The following GRID2 variants were observed in gnomAD, a reference collection of about 807,000 sequenced individuals.
GRID2 encodes the protein glutamate ionotropic receptor delta type subunit 2, also known as glutamate receptor ionotropic, delta-2.
A neutral mutation model predicts 114.8 loss-of-function variants in GRID2; 33 were observed. The ratio of observed to expected loss-of-function variants is 0.29; its 90% CI spans 0.22 to 0.38. The LOEUF (loss-of-function observed/expected upper bound fraction) is 0.38, where lower values mean the gene tolerates loss of function less well. GRID2 is among the 10% of genes least tolerant of loss of function. The pLI, the probability that GRID2 is intolerant of heterozygous loss-of-function variation, is 1.00. For missense variants in GRID2, 1,184 were observed against 1,257.7 expected (o/e 0.94, Z 0.89); for synonymous variants, 505 against 449.9 (o/e 1.12, Z -1.55).
intron 1 of GRID2, among the ~76,000 whole-genome samples, chr4:92,556,480 A>C (rs1195696511): frequency 1.3e-5 from 2 of 152,064 alleles, no homozygotes; most frequent in African/African-American, 4.8e-5. Context: ...ATTATTTTGC[A>C]GTGTATTAGT....
intron 11 of GRID2, among the ~76,000 whole-genome samples, chr4:93,467,478 CT>C (rs1397653931): frequency 6.6e-6 from 1 of 152,140 alleles, no homozygotes; most frequent in African/African-American, 2.4e-5. Context: ...ACATAATTAT[CT>C]ACAAAGCTAT....
chr4:93,248,366 T>C (rs1207642171), intron 8 of GRID2, among the ~76,000 whole-genome samples: 1 of 152,188 alleles, frequency 6.6e-6, no homozygotes, highest in East Asian at 1.9e-4. Flanking sequence ...TTCACAGAAA[T>C]TGCACAAGTG....
chr4:92,945,401 G>A (rs1751548722), intron 2 of GRID2, among the ~76,000 whole-genome samples: 1 of 151,956 alleles, frequency 6.6e-6, no homozygotes, highest in Non-Finnish European at 1.5e-5. Context: ...TTCCCAATGG[G>A]AGAAACTTAG....
intron 2 of GRID2, among the ~76,000 whole-genome samples, chr4:92,732,881 A>G (rs1377619824): frequency 1.3e-5 from 2 of 151,998 alleles, no homozygotes; most frequent in East Asian, 3.9e-4. Context: ...GTCGTTGTAC[A>G]TTTTTCTCCC....
intron 8 of GRID2, among the ~76,000 whole-genome samples, chr4:93,379,465 C>G (rs946232016): frequency 2.6e-5 from 4 of 151,894 alleles, no homozygotes; most frequent in African/African-American, 9.7e-5. Context: ...CAAACGTAGA[C>G]TGGAGCAAAA....
At chr4:93,560,977 G>A (rs901756455) in intron 13 of GRID2, among the ~76,000 whole-genome samples, 4 of 150,660 alleles carry the variant, frequency 2.7e-5, no homozygotes, top group Non-Finnish European at 5.9e-5. Context: ...TATTTCTCTT[G>A]AGTGAGCTTC....
chr4:93,047,548 C>G (rs1281239657), intron 2 of GRID2, among the ~76,000 whole-genome samples: 1 of 151,800 alleles, frequency 6.6e-6, no homozygotes, highest in Admixed American at 6.6e-5. Context: ...TGTATTCTTA[C>G]AAGAAACTGG....
chr4:92,600,048 A>ATATG (rs1729145824), intron 2 of GRID2, among the ~76,000 whole-genome samples: 1 of 47,062 alleles, frequency 2.1e-5, no homozygotes, highest in Admixed American at 2.4e-4. Flanking sequence ...GTGTGTGTAT[A>ATATG]TATATATATA....
intron 4 of GRID2, among the ~76,000 whole-genome samples, chr4:93,136,574 A>G (rs1437015454): frequency 1.3e-5 from 2 of 152,186 alleles, no homozygotes; most frequent in African/African-American, 4.8e-5. Flanking sequence ...TATAGTGTAA[A>G]TACTGACCAG....
intron 14 of GRID2, among the ~76,000 whole-genome samples, chr4:93,729,959 T>C (rs1187438122): frequency 6.6e-6 from 1 of 152,162 alleles, no homozygotes; most frequent in Non-Finnish European, 1.5e-5. Flanking sequence ...TTTTCATCCC[T>C]GTGTCTCTAG....
chr4:93,289,854 C>T (rs1448599640), intron 8 of GRID2, among the ~76,000 whole-genome samples: 3 of 151,778 alleles, frequency 2.0e-5, no homozygotes, highest in Non-Finnish European at 4.4e-5. Context: ...AAAGGTCTTA[C>T]AAAATGTTCG....
At chr4:92,335,194 C>CTACA (rs1727100801) in intron 1 of GRID2, among the ~76,000 whole-genome samples, 1 of 152,182 alleles carries the variant, frequency 6.6e-6, no homozygotes, top group South Asian at 2.1e-4. Flanking sequence ...TAGCATCAAG[C>CTACA]TACACCCTTT....
intron 1 of GRID2, among the ~76,000 whole-genome samples, chr4:92,455,390 C>G (rs933948936): frequency 6.6e-6 from 1 of 152,074 alleles, no homozygotes; most frequent in African/African-American, 2.4e-5. Flanking sequence ...CCCCAAACGA[C>G]CCACCAGAGT....
chr4:93,216,500 T>C (rs761046487), intron 5 of GRID2, among the ~76,000 whole-genome samples: 70 of 152,296 alleles, frequency 4.6e-4, no homozygotes, highest in Middle Eastern at 3.4e-3. Flanking sequence ...GTAAGACAAT[T>C]GCTCCATTTA....
intron 8 of GRID2, among the ~76,000 whole-genome samples, chr4:93,297,297 G>A (rs1051979229): frequency 6.6e-5 from 10 of 152,040 alleles, no homozygotes; most frequent in African/African-American, 2.4e-4. Flanking sequence ...TAAAATTACC[G>A]ATAAGACCTT....
At chr4:93,800,219 T>C (rs1734901350) in intron 1 of GRID2, among the ~76,000 whole-genome samples, 2 of 152,204 alleles carry the variant, frequency 1.3e-5, no homozygotes, top group Non-Finnish European at 1.5e-5. Context: ...ATCAGCACGA[T>C]GTAGTGTGAT....
intron 8 of GRID2, among the ~76,000 whole-genome samples, chr4:93,392,920 A>G (rs1764990523): frequency 6.6e-6 from 1 of 152,028 alleles, no homozygotes; most frequent in Non-Finnish European, 1.5e-5. Flanking sequence ...CTGTTAAATA[A>G]TAATGGTAAG....
At chr4:92,885,003 G>T (rs1019621517) in intron 2 of GRID2, 3 of 269,498 alleles carry the variant, frequency 1.1e-5, no homozygotes, top group Admixed American at 5.1e-5. Context: ...AATTACTGCT[G>T]CACAGTGTTA....
At position 92,965,450 on chromosome 4, in the gene GRID2, T is replaced by TAA. The variant is rs869285420; in HGVS notation, c.245-119507_245-119506dup. Among the ~76,000 whole-genome samples the TAA allele has an allele frequency of 1.4e-3, 118 of 85,686 alleles. 5 individuals carry two copies. The highest frequency in any genetic ancestry group is 2.0e-3 in the Non-Finnish European group (85 of 41,770). The allele number at this position is 85,686 out of a possible 152,430, so 56.2% of individuals were successfully genotyped here. ...AGGGTTGCCATAAACATTCAATTTG[T>TAA]AAAAAAAAAAAAAAAAAAAAAAAAA... is the stretch of plus-strand genomic sequence containing the variant. On this transcript the variant is annotated intron_variant, in intron 2 of 15. Transcript: ENST00000282020.
Sources: gnomAD v4.1 joint callset for allele counts (sites outside exome capture counted in the v4.1 genomes callset) on GRCh38, gnomAD v4.1.1 for gene constraint, MANE v1.5 for transcripts, NCBI Gene and HGNC (gene_info 2026-07-23, HGNC 2026-07-21) for gene names.